Variants in UNC5A observed in about 807,000 individuals in gnomAD.
The protein encoded by UNC5A is netrin receptor UNC5A.
UNC5A carries 20 observed loss-of-function variants against 87.4 expected under a neutral mutation model. The observed-to-expected ratio is 0.23, with a 90% CI of 0.16 to 0.33. The LOEUF (loss-of-function observed/expected upper bound fraction) is 0.33. Ranked by LOEUF, UNC5A falls within the 10% of genes least tolerant of loss-of-function variation. UNC5A has a pLI of 1.00. For synonymous variants in UNC5A, 438 were observed against 482.3 expected (o/e 0.91, Z 1.20); for missense variants, 844 against 1,133.4 (o/e 0.74, Z 3.67).
At chr5:176,814,306 T>C (rs2113576666) in intron 1 of UNC5A, among the ~76,000 whole-genome samples, 1 of 152,278 alleles carries the variant, frequency 6.6e-6, no homozygotes, top group South Asian at 2.1e-4. Context: ...TCCCTCGTCA[T>C]CGCCCCACAT....
chr5:176,826,995 C>T (rs1756871211), intron 1 of UNC5A, among the ~76,000 whole-genome samples: 1 of 151,956 alleles, frequency 6.6e-6, no homozygotes, highest in African/African-American at 2.4e-5. Context: ...CCCATTCTCC[C>T]CTTGCCCCAG....
intron 1 of UNC5A, among the ~76,000 whole-genome samples, chr5:176,860,297 T>C (rs939914669): frequency 4.6e-5 from 7 of 152,052 alleles, no homozygotes; most frequent in African/African-American, 1.7e-4. Context: ...CGGCCTAGGG[T>C]CCTCCCAAAT....
intron 1 of UNC5A, among the ~76,000 whole-genome samples, chr5:176,860,783 G>A (rs1488019728): frequency 6.6e-6 from 1 of 152,178 alleles, no homozygotes; most frequent in Admixed American, 6.5e-5. Context: ...GTGTGACCCC[G>A]CTTATGAATG....
At chr5:176,820,334 T>G (rs1281933208) in intron 1 of UNC5A, among the ~76,000 whole-genome samples, 2 of 151,982 alleles carry the variant, frequency 1.3e-5, no homozygotes, top group African/African-American at 4.8e-5. Flanking sequence ...GAGGTGGAGC[T>G]TGCAGTGAGC....
chr5:176,843,685 G>C (rs948233474), intron 1 of UNC5A, among the ~76,000 whole-genome samples: 3 of 152,236 alleles, frequency 2.0e-5, no homozygotes, highest in African/African-American at 7.2e-5. Flanking sequence ...TATTATCCAC[G>C]GAAGATTCTC....
At chr5:176,833,491 T>G (rs6556289) in intron 1 of UNC5A, among the ~76,000 whole-genome samples, 141,119 of 152,250 alleles carry the variant, frequency 0.93, 65,999 homozygotes, top group East Asian at 1. Context: ...TTATGGCTGT[T>G]TAGTATTCCA....
chr5:176,873,285 A>G (rs775717291), intron 6 of UNC5A, among the ~76,000 whole-genome samples: 15 of 151,398 alleles, frequency 9.9e-5, no homozygotes, highest in Middle Eastern at 3.5e-3. Flanking sequence ...TGTTAATTAC[A>G]AGGCCATAAC....
At position 176,880,001 on chromosome 5, in the gene UNC5A, T is replaced by C; in HGVS notation, c.*115T>C. The C allele has an allele frequency of 1.5e-6, 2 of 1,363,420 alleles. No homozygotes were observed. Among genetic ancestry groups the C allele is most frequent in the Admixed American group, 2.5e-5 (1 of 39,228 alleles). The allele number at this position is 1,363,420 out of a possible 1,614,324, so 84.5% of individuals were successfully genotyped here. On this transcript the variant is annotated 3_prime_UTR_variant, in exon 15 of 15. Coordinates refer to ENST00000329542, the MANE Select transcript of UNC5A (RefSeq NM_133369.3). ...GGGAGAGCTGCTCGGACAGGCCCCC[T>C]CCCGGCCGAAGCTGTCCCTTAATGC... is the stretch of plus-strand genomic sequence containing the variant.
At chr5:176,837,566 C>T (rs916211347) in intron 1 of UNC5A, among the ~76,000 whole-genome samples, 18 of 152,184 alleles carry the variant, frequency 1.2e-4, no homozygotes, top group Non-Finnish European at 2.5e-4. Context: ...GAAATAGGCA[C>T]GCTTGGGTGT....
intron 1 of UNC5A, among the ~76,000 whole-genome samples, chr5:176,845,548 C>G (rs1308568790): frequency 1.3e-5 from 2 of 152,252 alleles, no homozygotes; most frequent in African/African-American, 4.8e-5. Flanking sequence ...CTCTGCAGCC[C>G]AGGGCTTGGG....
intron 1 of UNC5A, among the ~76,000 whole-genome samples, chr5:176,828,804 G>A (rs1354831029): frequency 6.6e-6 from 1 of 151,964 alleles, no homozygotes; most frequent in Non-Finnish European, 1.5e-5. Context: ...TGGCTGGGTG[G>A]ATGGGTGGAT....
Position 176,878,077 on chromosome 5 carries a change from G to A in UNC5A, c.1819G>A (p.Glu607Lys), listed in dbSNP as rs773789565. The stretch of plus-strand genomic sequence containing the variant: ...TGCGCCGGTGGCCTGCACCTCCCTC[G>A]AGTACAACATCCGGGTCTACTGCCT... ...LFAPVACTSL[E>K]YNIRVYCLHD... Residue 607 changes from glutamate to lysine, a missense_variant, in exon 11 of 15, where the codon GAG (glutamate) becomes AAG (lysine). Physicochemically the swap from Glu to Lys is moderately conservative, Grantham distance 56 (BLOSUM62 1). Around this residue, in one of 3 missense-constraint regions of UNC5A, gnomAD observed 353 missense variants for 387.5 expected, o/e 0.91. Coordinates refer to ENST00000329542, the MANE Select transcript of UNC5A (RefSeq NM_133369.3). 5 of 1,609,900 alleles carry A rather than the reference G, an allele frequency of 3.1e-6. No homozygotes were observed. Among genetic ancestry groups the A allele is most frequent in the African/African-American group, 1.3e-5 (1 of 75,032 alleles).
At chr5:176,864,342 C>G (rs751177210) in intron 2 of UNC5A, among the ~76,000 whole-genome samples, 5 of 152,198 alleles carry the variant, frequency 3.3e-5, no homozygotes, top group Non-Finnish European at 5.9e-5. Flanking sequence ...CTAAGGGGCC[C>G]CTGGAGGCTG....
At position 176,866,098 on chromosome 5, in the gene UNC5A, C is replaced by A. The variant is rs1007045736; in HGVS notation, c.293-2032C>A. ...GGGCAGCCCAGGTTCACACACACAC[C>A]CGCCCAGGCCCACTGGCCCGGGGTC... On this transcript the variant is annotated intron_variant, in intron 2 of 14. Transcript: ENST00000329542. The surrounding 1 kb of genome is among the most constrained non-coding windows in gnomAD (Gnocchi z 5.0). Among the ~76,000 whole-genome samples, 21 of 152,154 alleles carry A rather than the reference C, an allele frequency of 1.4e-4. No homozygotes were observed. The highest frequency in any genetic ancestry group is 7.2e-4 in the Admixed American group (11 of 15,276).
chr5:176,840,916 C>T (rs1757260877), intron 1 of UNC5A, among the ~76,000 whole-genome samples: 1 of 152,224 alleles, frequency 6.6e-6, no homozygotes, highest in South Asian at 2.1e-4. Context: ...CAGAGAGCTG[C>T]TGGCAGTGGG....
intron 2 of UNC5A, chr5:176,864,955 C>G (rs1006799513): frequency 7.5e-6 from 3 of 398,902 alleles, no homozygotes; most frequent in African/African-American, 4.2e-5. Flanking sequence ...CCTTGTCTTG[C>G]TGGGAGGGTC....
chr5:176,872,109 A>G (rs865949379), intron 6 of UNC5A, among the ~76,000 whole-genome samples: 12 of 54,020 alleles, frequency 2.2e-4, no homozygotes, highest in Non-Finnish European at 2.9e-4. Flanking sequence ...GCCCACACTC[A>G]CCCCACACCA....
At chr5:176,847,326 T>G (rs1199217171) in intron 1 of UNC5A, among the ~76,000 whole-genome samples, 1 of 152,140 alleles carries the variant, frequency 6.6e-6, no homozygotes, top group East Asian at 1.9e-4. Flanking sequence ...CTTGGCGTTG[T>G]GCACACGCAT....
chr5:176,830,276 T>C (rs1756965984), intron 1 of UNC5A, among the ~76,000 whole-genome samples: 1 of 152,160 alleles, frequency 6.6e-6, no homozygotes, highest in African/African-American at 2.4e-5. Context: ...GGTGGCCCTC[T>C]CCAGAGCAGC....
Sources: gnomAD v4.1 joint callset for allele counts (sites outside exome capture counted in the v4.1 genomes callset) on GRCh38, gnomAD v4.1.1 for gene constraint, gnomAD v4.1.1 regional missense constraint, Gnocchi (gnomAD v3.1) non-coding constraint, MANE v1.5 for transcripts, NCBI Gene and HGNC (gene_info 2026-07-23, HGNC 2026-07-21) for gene names.